CUX1: variants seen among roughly 807,000 people sequenced by gnomAD.
The protein encoded by CUX1 is cut like homeobox 1.
In CUX1, 31 loss-of-function variants were observed where a neutral mutation model predicts 158.8. The observed-to-expected ratio is 0.20, with a 90% CI of 0.15 to 0.26. The LOEUF (loss-of-function observed/expected upper bound fraction) is 0.26, where lower values mean the gene tolerates loss of function less well. Among genes scored for constraint, CUX1 ranks in the 10% least tolerant of loss-of-function variants. The pLI, the probability that CUX1 is intolerant of heterozygous loss-of-function variation, is 1.00. For synonymous variants in CUX1, 879 were observed against 862.1 expected (o/e 1.02, Z -0.34); for missense variants, 1,589 against 2,014.6 (o/e 0.79, Z 4.04).
chr7:101,914,246 G>A (rs762145697), intron 1 of CUX1, among the ~76,000 whole-genome samples: 4 of 152,080 alleles, frequency 2.6e-5, no homozygotes, highest in Admixed American at 2.6e-4. Flanking sequence ...GAAGAGTGTG[G>A]TGTGGTGGTA....
intron 1 of CUX1, among the ~76,000 whole-genome samples, chr7:101,847,456 T>G (rs563289632): frequency 6.6e-6 from 1 of 152,222 alleles, no homozygotes; most frequent in South Asian, 2.1e-4. Context: ...CACATCTGAT[T>G]TGGAATTTTT....
chr7:102,276,201 C>A (rs1554547717), intron 17 of CUX1, among the ~76,000 whole-genome samples: 2 of 152,122 alleles, frequency 1.3e-5, no homozygotes, highest in African/African-American at 4.8e-5. Flanking sequence ...TTTTGGGTAT[C>A]TACCCAGAAG....
intron 1 of CUX1, among the ~76,000 whole-genome samples, chr7:101,844,819 T>C (rs1562919483): frequency 6.6e-6 from 1 of 152,012 alleles, no homozygotes; most frequent in Non-Finnish European, 1.5e-5. Context: ...TTTCACCACG[T>C]TGGCCAGGCT....
At position 102,227,449 on chromosome 7, in the gene CUX1, C is replaced by A; in HGVS notation, c.3213C>A (p.Thr1071=). ...MSSSESVKSL[T]ELVQQPCPPI... Reference sequence around the variant, plus strand: ...CCAGTGAGTCGGTGAAGAGCCTGACCGAGCTGGTCCAGCAGCCCTGTCCCC... The same window carrying A: ...CCAGTGAGTCGGTGAAGAGCCTGACAGAGCTGGTCCAGCAGCCCTGTCCCC... The change falls in exon 21 of 24, where the codon ACC becomes ACA. Residue 1071 remains threonine, a synonymous_variant. Coordinates refer to ENST00000292535, the MANE Select transcript of CUX1 (RefSeq NM_181552.4). 6.2e-7 allele frequency: 1 copy of A among 1,614,050 alleles called. No individual in the cohort carries two copies. Among genetic ancestry groups the A allele is most frequent in the Non-Finnish European group, 8.5e-7 (1 of 1,180,038 alleles).
chr7:102,215,422 G>A (rs1309099479), intron 20 of CUX1, among the ~76,000 whole-genome samples: 2 of 152,072 alleles, frequency 1.3e-5, no homozygotes, highest in South Asian at 2.1e-4. Flanking sequence ...CTGGGATGCC[G>A]CTCTTTCACG....
chr7:102,021,984 G>A (rs781534061), intron 2 of CUX1, among the ~76,000 whole-genome samples: 15 of 152,196 alleles, frequency 9.9e-5, no homozygotes, highest in Non-Finnish European at 2.2e-4. Flanking sequence ...TGCAGACAGA[G>A]GTGAACCTCC....
At chr7:102,019,341 C>T (rs932990543) in intron 2 of CUX1, among the ~76,000 whole-genome samples, 1 of 152,028 alleles carries the variant, frequency 6.6e-6, no homozygotes, top group African/African-American at 2.4e-5. Context: ...AATTCTGCCT[C>T]GGCCTTTGGA....
downstream of CUX1, among the ~76,000 whole-genome samples, chr7:102,260,328 A>G (rs1554543474): frequency 1.3e-5 from 2 of 150,584 alleles, no homozygotes; most frequent in Non-Finnish European, 3.0e-5. Context: ...AGCTCAGAAG[A>G]TCCACCCACC....
At position 102,254,005 on chromosome 7, in the gene CUX1, G is replaced by A. The variant is rs1554541122; in HGVS notation, c.*4963G>A. On this transcript the variant is annotated 3_prime_UTR_variant, in exon 24 of 24. Coordinates refer to ENST00000292535, the MANE Select transcript of CUX1 (RefSeq NM_181552.4). ...CACAGAACTGTGAGGCACGTGGGCT[G>A]GAGAGAGCAGAAAAGCTGCCAGCGC... is the stretch of plus-strand genomic sequence containing the variant. 1 of 985,486 alleles carries A rather than the reference G, an allele frequency of 1.0e-6. No homozygotes were observed. The highest frequency in any genetic ancestry group is 1.2e-6 in the Non-Finnish European group (1 of 829,980). 61.0% of individuals were successfully genotyped at this position (985,486 alleles called of 1,614,324 possible). A position where few individuals can be genotyped will look rare whatever the true frequency, so the allele number is the denominator to read the frequency against.
chr7:101,929,214 T>G (rs148163060), intron 2 of CUX1, among the ~76,000 whole-genome samples: 2 of 152,082 alleles, frequency 1.3e-5, no homozygotes, highest in African/African-American at 2.4e-5. Context: ...AAACGAACAC[T>G]TAAAAAAATT....
In CUX1 at chr7:102,251,813, G is replaced by A. The variant is rs1320893130; in HGVS notation, c.*2771G>A. ...AAAAGAAGTTAACAGGAAATAGTAG[G>A]CTAGGGTTTAGTTTTAAAGGCATGA... On this transcript the variant is annotated 3_prime_UTR_variant, in exon 24 of 24. Coordinates refer to ENST00000292535, the MANE Select transcript of CUX1 (RefSeq NM_181552.4). 5.1e-6 allele frequency: 5 copies of A among 985,250 alleles called. No homozygotes were observed. In the African/African-American group the frequency reaches 8.7e-5, roughly 17 times the overall value. 61.0% of individuals were successfully genotyped at this position (985,250 alleles called of 1,614,324 possible).
At chr7:102,261,907 G>A (rs573293350), downstream of CUX1, among the ~76,000 whole-genome samples, 15 of 152,250 alleles carry the variant, frequency 9.9e-5, no homozygotes, top group African/African-American at 2.9e-4. Flanking sequence ...ACTTGAGGCC[G>A]GGAGTTCAAG....
intron 4 of CUX1, among the ~76,000 whole-genome samples, chr7:102,086,449 T>C (rs782671054): frequency 6.6e-6 from 1 of 152,186 alleles, no homozygotes; most frequent in African/African-American, 2.4e-5. Context: ...TGTACATCGA[T>C]GAATGTTCCA....
rs782435188 is a variant in CUX1 at position 102,196,730 on chromosome 7, A to C, written c.1319A>C (p.Glu440Ala). 1.7e-5 allele frequency: 28 copies of C among 1,612,366 alleles called. No individual in the cohort carries two copies. Among genetic ancestry groups the C allele is most frequent in the African/African-American group, 2.7e-5 (2 of 74,804 alleles). ...TCTCAGTTGCCCCGCAACCCGGGGGAGCAGGCTTCCAATACTAATGGTACA... is the reference window on the plus strand; with the variant it reads ...TCTCAGTTGCCCCGCAACCCGGGGGCGCAGGCTTCCAATACTAATGGTACA... The part of the protein sequence containing the change: ...PPSQLPRNPG[E>A]QASNTNGTHQ... Residue 440 changes from glutamate (E) to alanine (A), a missense_variant, in exon 15 of 24, where the codon GAG becomes GCG. Coordinates refer to ENST00000292535, the MANE Select transcript of CUX1 (RefSeq NM_181552.4).
chr7:101,996,527 G>A (rs941282277), intron 2 of CUX1, among the ~76,000 whole-genome samples: 2 of 151,994 alleles, frequency 1.3e-5, no homozygotes, highest in African/African-American at 2.4e-5. Context: ...TGGGGGTGGC[G>A]GTACTGAGGC....
At chr7:102,003,195 G>C (rs576314761) in intron 2 of CUX1, among the ~76,000 whole-genome samples, 1 of 151,786 alleles carries the variant, frequency 6.6e-6, no homozygotes, top group African/African-American at 2.4e-5. Flanking sequence ...CACCAAGCTC[G>C]GCCCAGAGGG....
chr7:101,845,263 T>A (rs988605520), intron 1 of CUX1, among the ~76,000 whole-genome samples: 16 of 151,716 alleles, frequency 1.1e-4, no homozygotes, highest in African/African-American at 3.6e-4. Flanking sequence ...TGGAATTACA[T>A]GTGCGAGCCC....
At chr7:101,907,372 A>G (rs1206361498) in intron 1 of CUX1, among the ~76,000 whole-genome samples, 1 of 151,928 alleles carries the variant, frequency 6.6e-6, no homozygotes, top group East Asian at 1.9e-4. Context: ...TTTTGAGACC[A>G]GAGTCTCACT....
At chr7:102,009,061 G>C (rs1817697654) in intron 2 of CUX1, among the ~76,000 whole-genome samples, 1 of 152,190 alleles carries the variant, frequency 6.6e-6, no homozygotes, top group Non-Finnish European at 1.5e-5. Context: ...CAGAGGCTCG[G>C]CCTGCCAGCC....
Sources: gnomAD v4.1 joint callset for allele counts (sites outside exome capture counted in the v4.1 genomes callset) on GRCh38, gnomAD v4.1.1 for gene constraint, MANE v1.5 for transcripts, NCBI Gene and HGNC (gene_info 2026-07-23, HGNC 2026-07-21) for gene names.